FHIT: variants seen among roughly 807,000 people sequenced by gnomAD.
The protein encoded by FHIT is bis(5'-adenosyl)-triphosphatase.
In FHIT, 19 loss-of-function variants were observed where a neutral mutation model predicts 17.9. The ratio of observed to expected loss-of-function variants is 1.06; its 90% CI spans 0.74 to 1.56. The LOEUF (loss-of-function observed/expected upper bound fraction) is 1.56. Among genes scored for constraint, FHIT ranks in the 40% most tolerant of loss-of-function variants. The pLI, the probability that FHIT is intolerant of heterozygous loss-of-function variation, is 0.00. For synonymous variants in FHIT, 81 were observed against 69.7 expected, an observed-to-expected ratio of 1.16 and a Z score of -0.81; for missense variants, 248 against 189.2, an observed-to-expected ratio of 1.31 and a Z score of -1.82.
intron 4 of FHIT, among the ~76,000 whole-genome samples, chr3:60,717,456 T>G (rs2041710756): frequency 6.6e-6 from 1 of 152,132 alleles, no homozygotes; most frequent in African/African-American, 2.4e-5. Flanking sequence ...CAACTATACC[T>G]TAATAAAGGT....
At chr3:59,841,881 A>G (rs1701546688) in intron 8 of FHIT, among the ~76,000 whole-genome samples, 1 of 152,124 alleles carries the variant, frequency 6.6e-6, no homozygotes, top group Non-Finnish European at 1.5e-5. Flanking sequence ...TTTTCTTCCA[A>G]TTTCTTTTAT....
chr3:60,124,147 G>T (rs75380244), intron 5 of FHIT, among the ~76,000 whole-genome samples: 1 of 147,398 alleles, frequency 6.8e-6, no homozygotes, highest in East Asian at 2.0e-4. Flanking sequence ...TGAACTCCTG[G>T]GTTCAAGTGA....
At chr3:61,112,145 G>T (rs1365333281) in intron 2 of FHIT, among the ~76,000 whole-genome samples, 1 of 152,150 alleles carries the variant, frequency 6.6e-6, no homozygotes, top group Non-Finnish European at 1.5e-5. Flanking sequence ...CCCTTAAGCA[G>T]TATATATTAT....
chr3:60,193,396 T>C (rs1049174859), intron 5 of FHIT, among the ~76,000 whole-genome samples: 1 of 152,170 alleles, frequency 6.6e-6, no homozygotes, highest in Non-Finnish European at 1.5e-5. Context: ...GAGGAGACAA[T>C]GAGACTCTAC....
intron 7 of FHIT, among the ~76,000 whole-genome samples, chr3:59,961,640 C>A (rs112361062): frequency 6.6e-6 from 1 of 152,122 alleles, no homozygotes; most frequent in African/African-American, 2.4e-5. Context: ...GGCACGGTCC[C>A]ACATGGCTTC....
chr3:60,602,534 T>C (rs1416926690), intron 4 of FHIT, among the ~76,000 whole-genome samples: 6 of 151,952 alleles, frequency 3.9e-5, no homozygotes, highest in Non-Finnish European at 8.8e-5. Flanking sequence ...TGCTTGATGA[T>C]GAAAGGTACC....
At chr3:61,000,854 C>A (rs541546532) in intron 3 of FHIT, among the ~76,000 whole-genome samples, 13 of 152,292 alleles carry the variant, frequency 8.5e-5, no homozygotes, top group African/African-American at 3.1e-4. Context: ...GCCCCAGCCC[C>A]TACTCTACCA....
intron 5 of FHIT, among the ~76,000 whole-genome samples, chr3:60,377,464 CTTTTTTTTTTTTTTTTTT>C (rs1196507429): frequency 1.0e-4 from 5 of 49,688 alleles, no homozygotes; most frequent in Non-Finnish European, 7.0e-5. Context: ...GCCAAGAATT[CTTTTTTTTTTTTTTTTTT>C]TTTTTTTTTT....
chr3:60,410,534 A>ACAG (rs1209384011), intron 5 of FHIT, among the ~76,000 whole-genome samples: 1 of 152,202 alleles, frequency 6.6e-6, no homozygotes, highest in Non-Finnish European at 1.5e-5. Flanking sequence ...CAAAGTATTC[A>ACAG]CAGCATTTTT....
chr3:60,620,139 C>T (rs782284781), intron 4 of FHIT, among the ~76,000 whole-genome samples: 39 of 152,058 alleles, frequency 2.6e-4, no homozygotes, highest in Non-Finnish European at 5.4e-4. Context: ...AAATTCAAAA[C>T]AATGACAACA....
chr3:61,150,153 G>A (rs1023733869), intron 2 of FHIT, among the ~76,000 whole-genome samples: 2 of 152,096 alleles, frequency 1.3e-5, no homozygotes, highest in Non-Finnish European at 2.9e-5. Context: ...TGGACTCATG[G>A]AACCTTCAAA....
intron 3 of FHIT, among the ~76,000 whole-genome samples, chr3:60,841,627 T>C (rs1455615157): frequency 1.3e-5 from 2 of 152,212 alleles, no homozygotes; most frequent in African/African-American, 4.8e-5. Flanking sequence ...GGGCCACCTC[T>C]GGCCTCTAGT....
chr3:59,764,817 A>G (rs565503405), intron 8 of FHIT, among the ~76,000 whole-genome samples: 3 of 135,618 alleles, frequency 2.2e-5, no homozygotes, highest in African/African-American at 7.7e-5. Flanking sequence ...ATAATTGACC[A>G]TTCTCCAGAA....
chr3:60,564,879 C>T (rs912553052), intron 4 of FHIT, among the ~76,000 whole-genome samples: 2 of 152,068 alleles, frequency 1.3e-5, no homozygotes, highest in Non-Finnish European at 2.9e-5. Context: ...CTGTCAAAGA[C>T]GATTAACTCT....
At chr3:59,761,342 C>T (rs950121195) in intron 8 of FHIT, among the ~76,000 whole-genome samples, 1 of 152,178 alleles carries the variant, frequency 6.6e-6, no homozygotes, top group Non-Finnish European at 1.5e-5. Context: ...CGTATCCTCT[C>T]GGCTAGCTGT....
At chr3:61,153,000 G>T (rs563319735) in intron 2 of FHIT, among the ~76,000 whole-genome samples, 1 of 151,956 alleles carries the variant, frequency 6.6e-6, no homozygotes, top group African/African-American at 2.4e-5. Context: ...AAAATCAGCC[G>T]GGCGTGGTGA....
intron 3 of FHIT, among the ~76,000 whole-genome samples, chr3:60,962,694 G>A (rs1709519840): frequency 6.6e-6 from 1 of 152,144 alleles, no homozygotes; most frequent in Non-Finnish European, 1.5e-5. Flanking sequence ...TAATCATGTG[G>A]TTTTTGTCTT....
intron 4 of FHIT, among the ~76,000 whole-genome samples, chr3:60,787,623 T>C (rs561667333): frequency 6.6e-6 from 1 of 152,342 alleles, no homozygotes; most frequent in African/African-American, 2.4e-5. Context: ...GTGTATAAGG[T>C]TGGCATCCAT....
intron 2 of FHIT, among the ~76,000 whole-genome samples, chr3:61,102,491 T>A (rs962330032): frequency 6.6e-6 from 1 of 152,246 alleles, no homozygotes; most frequent in African/African-American, 2.4e-5. Context: ...TCGATGTTCA[T>A]TAGGGATATT....
Sources: allele counts gnomAD v4.1 joint callset (sites outside exome capture counted in the v4.1 genomes callset), GRCh38; gene constraint gnomAD v4.1.1; transcripts MANE v1.5; gene names NCBI Gene and HGNC (gene_info 2026-07-23, HGNC 2026-07-21).